The following TBCD variants were observed in gnomAD, a reference collection of about 807,000 sequenced individuals.
TBCD encodes tubulin-specific chaperone D.
Under a neutral mutation model 169.3 loss-of-function variants are expected in TBCD, and 105 were observed. That is an observed-to-expected ratio of 0.62 (90% confidence interval 0.53 to 0.73). The LOEUF (loss-of-function observed/expected upper bound fraction) is 0.73, where lower values mean the gene tolerates loss of function less well. Ranked by LOEUF, TBCD falls within the 30% of genes least tolerant of loss-of-function variation. TBCD has a pLI of 0.00. For missense variants in TBCD, 1,444 were observed against 1,600.1 expected (o/e 0.90, Z 1.66); for synonymous variants, 700 against 643.9 (o/e 1.09, Z -1.32).
In TBCD at chr17:82,915,699, G is replaced by T. The variant is rs151198321; in HGVS notation, c.2038+3910G>T. On this transcript the variant is annotated intron_variant, in intron 23 of 38. Transcript: ENST00000355528. This position sits in a 1 kb window ranked among gnomAD's most constrained non-coding sequence, Gnocchi z 4.3. ...GTGGATCACCGAGGGCAGGGGCCGG[G>T]AGGAAGGGGGTCATCTGGCTCACAG... Among the ~76,000 whole-genome samples the T allele has an allele frequency of 6.6e-6, 1 of 152,326 alleles. No individual in the cohort carries two copies. The highest frequency in any genetic ancestry group is 1.9e-4 in the East Asian group (1 of 5,186).
intron 7 of TBCD, among the ~76,000 whole-genome samples, chr17:82,797,244 G>A (rs146576781): frequency 1.3e-5 from 2 of 152,306 alleles, no homozygotes; most frequent in African/African-American, 2.4e-5. Context: ...CCGTGTGTGC[G>A]CATCGTGGGG....
chr17:82,908,447 G>T, intron 21 of TBCD: 1 of 453,140 alleles, frequency 2.2e-6, no homozygotes, highest in Non-Finnish European at 4.4e-6. Flanking sequence ...GGTAAAGTAT[G>T]AACTATGGAT....
chr17:82,900,497 T>C (rs2059813951), intron 17 of TBCD, 154 bp from the exon 18 acceptor site: 1 of 627,836 alleles, frequency 1.6e-6, no homozygotes, highest in Admixed American at 2.8e-5. Context: ...TCTTTTCTTT[T>C]GGGTAACTGC....
rs1170525211 is a variant in TBCD, at chr17:82,874,482, C to T, written c.1475+4102C>T. ...CAGCAGCTGCTGGGGCCTCAGGGCT[C>T]GCAGCTCACAGGCTTCTGACGCCTC... On this transcript the variant is annotated intron_variant, in intron 14 of 38. Transcript: ENST00000355528. This position sits in a 1 kb window ranked among gnomAD's most constrained non-coding sequence, Gnocchi z 5.0. Among the ~76,000 whole-genome samples the T allele has an allele frequency of 3.9e-5, 6 of 152,082 alleles. No individual in the cohort carries two copies. The highest frequency in any genetic ancestry group is 1.2e-4 in the African/African-American group (5 of 41,414).
chr17:82,794,209 A>T (rs1004881439), intron 7 of TBCD, among the ~76,000 whole-genome samples: 7 of 151,300 alleles, frequency 4.6e-5, no homozygotes, highest in African/African-American at 1.7e-4. Flanking sequence ...CTTGCTCCCG[A>T]GTAGCTCGAC....
intron 13 of TBCD, among the ~76,000 whole-genome samples, chr17:82,822,267 C>G (rs1453989787): frequency 6.6e-6 from 1 of 152,184 alleles, no homozygotes; most frequent in East Asian, 1.9e-4. Context: ...GAGGGAGATT[C>G]AGACATTAAA....
chr17:82,911,969 A>T (rs1159116978), intron 23 of TBCD, among the ~76,000 whole-genome samples, 180 bp downstream of exon 23: 3 of 151,828 alleles, frequency 2.0e-5, no homozygotes, highest in African/African-American at 7.3e-5. Context: ...TACGAGGGAG[A>T]GATTGAGAGA....
At chr17:82,837,496 T>G (rs1199080293) in intron 13 of TBCD, among the ~76,000 whole-genome samples, 1 of 152,208 alleles carries the variant, frequency 6.6e-6, no homozygotes, top group Non-Finnish European at 1.5e-5. Flanking sequence ...CTTTCTCTCC[T>G]GGGGGAGGTG....
intron 23 of TBCD, among the ~76,000 whole-genome samples, chr17:82,914,856 C>T (rs1204794992): frequency 1.3e-5 from 2 of 152,134 alleles, no homozygotes; most frequent in African/African-American, 4.8e-5. Context: ...AATTATTTTC[C>T]CTTTCAGCTT....
chr17:82,897,517 CAA>C (rs34695419), intron 17 of TBCD, among the ~76,000 whole-genome samples: 98 of 134,718 alleles, frequency 7.3e-4, no homozygotes, highest in South Asian at 4.5e-3. Flanking sequence ...GACTCCGTCT[CAA>C]AAAAAAAAAA....
At chr17:82,787,192 G>A (rs759276497) in intron 7 of TBCD, among the ~76,000 whole-genome samples, 2 of 152,206 alleles carry the variant, frequency 1.3e-5, no homozygotes, top group African/African-American at 4.8e-5. Flanking sequence ...AGAGTGAGGC[G>A]TGCTGTCCTG....
intron 9 of TBCD, among the ~76,000 whole-genome samples, chr17:82,805,002 C>T (rs1384536382): frequency 6.6e-6 from 1 of 152,246 alleles, no homozygotes; most frequent in African/African-American, 2.4e-5. Context: ...CAGGCTACAG[C>T]CGCAGCAGCT....
intron 13 of TBCD, among the ~76,000 whole-genome samples, chr17:82,820,696 A>G (rs601760): frequency 0.54 from 82,361 of 151,420 alleles, 22,479 homozygotes; most frequent in South Asian, 0.66. Context: ...ACATGTTGGT[A>G]CGCTTGATGG....
intron 8 of TBCD, among the ~76,000 whole-genome samples, chr17:82,798,822 A>C (rs539316997): frequency 1.3e-5 from 2 of 152,292 alleles, no homozygotes; most frequent in South Asian, 4.1e-4. Context: ...AGCTCACTGC[A>C]GCTTCGACCT....
chr17:82,861,865 C>T (rs12449602), intron 13 of TBCD, among the ~76,000 whole-genome samples: 151,366 of 152,316 alleles, frequency 0.99, 75,218 homozygotes, highest in East Asian at 1. Flanking sequence ...TCATAGAGAA[C>T]GTTTAAAATT....
intron 14 of TBCD, among the ~76,000 whole-genome samples, chr17:82,876,792 G>A (rs74716708): frequency 2.0e-5 from 3 of 152,206 alleles, no homozygotes; most frequent in South Asian, 2.1e-4. Flanking sequence ...AGCCAGCTTC[G>A]TTGAAGTGGG....
At chr17:82,758,400 A>AATAAAAATAAAT (rs1555672641) in intron 2 of TBCD, among the ~76,000 whole-genome samples, 1 of 100,030 alleles carries the variant, frequency 1.0e-5, no homozygotes, top group Non-Finnish European at 1.9e-5. Flanking sequence ...AAAAAAAAAA[A>AATAAAAATAAAT]AAATAAATAA....
intron 23 of TBCD, among the ~76,000 whole-genome samples, chr17:82,917,014 CTTTT>C (rs1288729928): frequency 3.0e-3 from 123 of 40,970 alleles, no homozygotes; most frequent in Middle Eastern, 0.022. Context: ...TTTTTTTTTT[CTTTT>C]CTTTTCTTTT....
intron 22 of TBCD, among the ~76,000 whole-genome samples, chr17:82,911,270 GC>G (rs1440542919): frequency 1.3e-5 from 2 of 152,054 alleles, no homozygotes; most frequent in Non-Finnish European, 2.9e-5. Flanking sequence ...TGAATATTTT[GC>G]CCTCCCCAGG....
Sources: allele counts gnomAD v4.1 joint callset (sites outside exome capture counted in the v4.1 genomes callset), GRCh38; gene constraint gnomAD v4.1.1; non-coding constraint Gnocchi (gnomAD v3.1); transcripts MANE v1.5; gene names NCBI Gene and HGNC (gene_info 2026-07-23, HGNC 2026-07-21).